CFAP299: variants seen among roughly 807,000 people sequenced by gnomAD.
The protein encoded by CFAP299 is cilia and flagella associated protein 299.
Under a neutral mutation model 27.0 loss-of-function variants are expected in CFAP299, and 21 were observed. The observed-to-expected ratio is 0.78, with a 90% CI of 0.55 to 1.12. The LOEUF is 1.12. Ranked by LOEUF, CFAP299 falls within the 50% of genes most tolerant of loss-of-function variation. The pLI, the probability that CFAP299 is intolerant of heterozygous loss-of-function variation, is 0.00. For missense variants in CFAP299, 310 were observed against 276.6 expected (o/e 1.12, Z -0.86); for synonymous variants, 104 against 98.1 (o/e 1.06, Z -0.36).
chr4:80,924,542 A>T (rs202147210), intron 4 of CFAP299, among the ~76,000 whole-genome samples: 2 of 131,478 alleles, frequency 1.5e-5, no homozygotes, highest in African/African-American at 6.3e-5. Flanking sequence ...GTGTGTGTAT[A>T]TATATATATA....
At chr4:80,698,076 G>A (rs1413724603) in intron 3 of CFAP299, among the ~76,000 whole-genome samples, 1 of 152,152 alleles carries the variant, frequency 6.6e-6, no homozygotes, top group Non-Finnish European at 1.5e-5. Context: ...ATGGAAAATT[G>A]AGAAATGATA....
intron 3 of CFAP299, among the ~76,000 whole-genome samples, chr4:80,662,699 A>C (rs1340267309): frequency 7.9e-5 from 12 of 152,304 alleles, no homozygotes; most frequent in African/African-American, 2.6e-4. Context: ...GTGATAGATA[A>C]GGGTTCTAGA....
chr4:80,932,847 C>G (rs1311236564), intron 4 of CFAP299, among the ~76,000 whole-genome samples: 1 of 152,018 alleles, frequency 6.6e-6, no homozygotes, highest in African/African-American at 2.4e-5. Context: ...TAGTAGCAGG[C>G]CCTGTCTTTC....
At chr4:80,958,943 G>A (rs1356142979) in intron 5 of CFAP299, among the ~76,000 whole-genome samples, 2 of 152,168 alleles carry the variant, frequency 1.3e-5, no homozygotes, top group East Asian at 1.9e-4. Flanking sequence ...AAGCAGCAGA[G>A]TAAAACAGTA....
chr4:80,347,784 T>TA (rs1722810986), intron 1 of CFAP299, among the ~76,000 whole-genome samples: 1 of 152,112 alleles, frequency 6.6e-6, no homozygotes, highest in South Asian at 2.1e-4. Context: ...GAAACTATTT[T>TA]AAAAAACATA....
At chr4:80,509,405 G>A (rs1385875024) in intron 2 of CFAP299, among the ~76,000 whole-genome samples, 3 of 152,126 alleles carry the variant, frequency 2.0e-5, no homozygotes, top group Non-Finnish European at 4.4e-5. Context: ...GCTATTAAAT[G>A]ATGTGGGCCC....
At chr4:80,333,408 G>GT (rs922574634), upstream of CFAP299, among the ~76,000 whole-genome samples, 1 of 152,082 alleles carries the variant, frequency 6.6e-6, no homozygotes, top group Non-Finnish European at 1.5e-5. Flanking sequence ...GTAAGTATAT[G>GT]TTTTTTTCCT....
intron 2 of CFAP299, among the ~76,000 whole-genome samples, chr4:80,439,427 A>T (rs1728241656): frequency 6.6e-6 from 1 of 152,094 alleles, no homozygotes; most frequent in African/African-American, 2.4e-5. Flanking sequence ...GCGTCACCTC[A>T]CCCGGGAAGC....
rs1737711387 is a variant in CFAP299, at chr4:80,950,306, G to A, written c.606+5367G>A. Among the ~76,000 whole-genome samples the A allele has an allele frequency of 2.0e-5, 3 of 149,610 alleles. No individual in the cohort carries two copies. The South Asian group carries it at 6.6e-4, about 33-fold the overall frequency. On this transcript the variant is annotated intron_variant, in intron 5 of 5. Coordinates refer to ENST00000358105, the MANE Select transcript of CFAP299 (RefSeq NM_152770.3). ...CTTGGCAACTGTTGAGAACTATGAA[G>A]CTTAAAGGTGAATCTGGAAGGTAGA... is the stretch of plus-strand genomic sequence containing the variant.
intron 3 of CFAP299, among the ~76,000 whole-genome samples, chr4:80,832,454 G>C (rs1730346201): frequency 6.6e-6 from 1 of 152,032 alleles, no homozygotes; most frequent in Non-Finnish European, 1.5e-5. Context: ...ACATGTATTA[G>C]CCATAGACAA....
At chr4:80,351,907 TTAATA>T (rs1208904249) in intron 1 of CFAP299, among the ~76,000 whole-genome samples, 2 of 150,396 alleles carry the variant, frequency 1.3e-5, no homozygotes, top group African/African-American at 4.9e-5. Context: ...ATAAATAATG[TTAATA>T]TAATGTTAAT....
chr4:80,932,786 C>T (rs1736686826), intron 4 of CFAP299, among the ~76,000 whole-genome samples: 1 of 152,130 alleles, frequency 6.6e-6, no homozygotes, highest in Admixed American at 6.5e-5. Flanking sequence ...GGAGACCACA[C>T]ATCTGATTGC....
intron 3 of CFAP299, among the ~76,000 whole-genome samples, chr4:80,854,628 C>T (rs1731719123): frequency 6.6e-6 from 1 of 150,404 alleles, no homozygotes; most frequent in South Asian, 2.1e-4. Flanking sequence ...CACAGTGGCT[C>T]TGTTCTGATT....
intron 5 of CFAP299, among the ~76,000 whole-genome samples, chr4:80,956,974 G>C (rs1229361777): frequency 6.6e-6 from 1 of 151,948 alleles, no homozygotes; most frequent in African/African-American, 2.4e-5. Context: ...TTCTCTTTCT[G>C]ATAGCTTTCA....
intron 4 of CFAP299, among the ~76,000 whole-genome samples, chr4:80,918,830 A>G (rs1735893901): frequency 6.6e-6 from 1 of 152,190 alleles, no homozygotes; most frequent in African/African-American, 2.4e-5. Context: ...GGCTGCTTCA[A>G]TGGCAGCTGC....
intron 2 of CFAP299, among the ~76,000 whole-genome samples, chr4:80,556,596 T>C (rs1320965771): frequency 1.3e-5 from 2 of 151,978 alleles, no homozygotes; most frequent in African/African-American, 2.4e-5. Context: ...ATAAGCCCGA[T>C]ATGTCTCTCT....
intron 1 of CFAP299, among the ~76,000 whole-genome samples, chr4:80,358,706 C>T (rs1391095259): frequency 2.0e-5 from 3 of 151,908 alleles, no homozygotes; most frequent in Non-Finnish European, 2.9e-5. Flanking sequence ...TTATTTTGAG[C>T]CTATGTGTGT....
chr4:80,488,474 CTTT>C lies in CFAP299; in HGVS notation c.243-94604_243-94602del, dbSNP rs35951592. Among the ~76,000 whole-genome samples the C allele has an allele frequency of 5.4e-4, 74 of 136,526 alleles. 1 individual carries two copies. Among genetic ancestry groups the C allele is most frequent in the African/African-American group, 1.9e-3 (68 of 36,298 alleles). The allele number at this position is 136,526 out of a possible 152,430, so 89.6% of individuals were successfully genotyped here. On this transcript the variant is annotated intron_variant, in intron 2 of 5. Transcript: ENST00000358105. ...ACAAACAAAATAGCATGGTAAACAC[CTTT>C]TTTTTTTTTTTTTTGAGATGGAGTC...
At chr4:80,799,132 T>TTA (rs201103934) in intron 3 of CFAP299, among the ~76,000 whole-genome samples, 25 of 120,156 alleles carry the variant, frequency 2.1e-4, no homozygotes, top group African/African-American at 5.4e-4. Flanking sequence ...TATACAATAT[T>TTA]TATATATATA....
Sources: gnomAD v4.1 joint callset for allele counts (sites outside exome capture counted in the v4.1 genomes callset) on GRCh38, gnomAD v4.1.1 for gene constraint, MANE v1.5 for transcripts, NCBI Gene and HGNC (gene_info 2026-07-23, HGNC 2026-07-21) for gene names.